The following TMEM163 variants were observed in gnomAD, a reference collection of about 807,000 sequenced individuals.
TMEM163 encodes transmembrane protein 163.
A neutral mutation model predicts 29.3 loss-of-function variants in TMEM163; 17 were observed. The observed-to-expected ratio is 0.58, with a 90% CI of 0.40 to 0.87. The LOEUF is 0.87. Among genes scored for constraint, TMEM163 ranks in the 40% least tolerant of loss-of-function variants. TMEM163 has a pLI of 0.00. For synonymous variants in TMEM163, 157 were observed against 160.6 expected (o/e 0.98, Z 0.17); for missense variants, 303 against 381.5 (o/e 0.79, Z 1.71).
intron 2 of TMEM163, among the ~76,000 whole-genome samples, chr2:134,712,487 G>A (rs911096087): frequency 6.6e-6 from 1 of 151,766 alleles, no homozygotes; most frequent in Non-Finnish European, 1.5e-5. Flanking sequence ...AAACACCACG[G>A]GTTTCTACCA....
At chr2:134,463,640 G>A (rs755665165) in intron 6 of TMEM163, among the ~76,000 whole-genome samples, 14 of 152,184 alleles carry the variant, frequency 9.2e-5, no homozygotes, top group Admixed American at 6.5e-4. Flanking sequence ...CTTTAGATCC[G>A]GCTGTGCTAG....
At chr2:134,529,288 G>A (rs998011239) in intron 4 of TMEM163, among the ~76,000 whole-genome samples, 8 of 151,856 alleles carry the variant, frequency 5.3e-5, no homozygotes, top group Non-Finnish European at 1.0e-4. Flanking sequence ...CTGAGATCAC[G>A]CCACTATACT....
chr2:134,556,399 A>G (rs2104774173), intron 2 of TMEM163, among the ~76,000 whole-genome samples: 1 of 152,348 alleles, frequency 6.6e-6, no homozygotes, highest in African/African-American at 2.4e-5. Context: ...AAGGTTCATA[A>G]TAGGTTCATG....
At chr2:134,516,711 A>AGT (rs142248008) in intron 4 of TMEM163, among the ~76,000 whole-genome samples, 6 of 119,392 alleles carry the variant, frequency 5.0e-5, no homozygotes, top group South Asian at 2.7e-4. Flanking sequence ...ATTCATATAT[A>AGT]CATATATATT....
At chr2:134,539,958 G>T (rs1680628746) in intron 4 of TMEM163, among the ~76,000 whole-genome samples, 1 of 152,180 alleles carries the variant, frequency 6.6e-6, no homozygotes. Flanking sequence ...ATCAAGGAGG[G>T]CTCCTGAACT....
At chr2:134,536,835 A>C (rs1277765729) in intron 4 of TMEM163, among the ~76,000 whole-genome samples, 1 of 152,204 alleles carries the variant, frequency 6.6e-6, no homozygotes, top group African/African-American at 2.4e-5. Context: ...GACAGGCTGT[A>C]AGAGCCATAG....
chr2:134,688,332 G>A (rs1250636262), intron 2 of TMEM163, among the ~76,000 whole-genome samples: 5 of 150,802 alleles, frequency 3.3e-5, no homozygotes, highest in Non-Finnish European at 7.4e-5. Context: ...CTCATGAAGA[G>A]GTTCAAAGGT....
chr2:134,559,228 C>G (rs891698756), intron 2 of TMEM163, among the ~76,000 whole-genome samples: 2 of 152,028 alleles, frequency 1.3e-5, no homozygotes, highest in African/African-American at 4.8e-5. Flanking sequence ...CCTCACTCAC[C>G]TCTTCCACCT....
chr2:134,585,610 C>T (rs180702392), intron 2 of TMEM163, among the ~76,000 whole-genome samples: 130 of 152,118 alleles, frequency 8.5e-4, no homozygotes, highest in African/African-American at 2.9e-3. Context: ...GGCGCGGTGG[C>T]GGGCACCTGT....
intron 2 of TMEM163, among the ~76,000 whole-genome samples, chr2:134,648,917 C>T (rs923593383): frequency 2.6e-5 from 4 of 152,184 alleles, no homozygotes; most frequent in African/African-American, 4.8e-5. Context: ...TGATGGCTCA[C>T]GGCTAAAAAC....
chr2:134,488,641 G>C (rs1286184751), intron 5 of TMEM163, among the ~76,000 whole-genome samples: 1 of 152,156 alleles, frequency 6.6e-6, no homozygotes, highest in Non-Finnish European at 1.5e-5. Context: ...ATGTGATCAT[G>C]TGAGTCAATA....
intron 2 of TMEM163, among the ~76,000 whole-genome samples, chr2:134,557,483 C>A (rs1206491594): frequency 6.6e-6 from 1 of 152,134 alleles, no homozygotes; most frequent in African/African-American, 2.4e-5. Context: ...TGGTTTTATA[C>A]ATTTTAGGGA....
chr2:134,658,833 G>A (rs1378880739), intron 2 of TMEM163, among the ~76,000 whole-genome samples: 2 of 152,048 alleles, frequency 1.3e-5, no homozygotes, highest in African/African-American at 4.8e-5. Flanking sequence ...ACCTGACCTC[G>A]TGATCCGCCC....
intron 6 of TMEM163, among the ~76,000 whole-genome samples, chr2:134,461,444 A>T (rs1464500923): frequency 6.6e-6 from 1 of 152,192 alleles, no homozygotes; most frequent in Non-Finnish European, 1.5e-5. Context: ...GTAGGACTGA[A>T]GCTGTGCCCC....
intron 2 of TMEM163, among the ~76,000 whole-genome samples, chr2:134,614,927 A>G (rs1357597705): frequency 1.3e-5 from 2 of 152,198 alleles, no homozygotes; most frequent in African/African-American, 4.8e-5. Flanking sequence ...AAACTGGGAG[A>G]AAGCATTTGC....
intron 2 of TMEM163, among the ~76,000 whole-genome samples, chr2:134,571,839 G>A (rs6715419): frequency 0.14 from 21,299 of 152,072 alleles, 3,594 homozygotes; most frequent in African/African-American, 0.4. Flanking sequence ...ATTTTACTGG[G>A]GGCTTGTTGC....
chr2:134,671,837 A>G (rs193286515), intron 2 of TMEM163, among the ~76,000 whole-genome samples: 1 of 152,298 alleles, frequency 6.6e-6, no homozygotes, highest in Admixed American at 6.5e-5. Context: ...CTTAGGACAA[A>G]CTTCTCAACC....
At chr2:134,716,816 C>T (rs1685047643) in intron 1 of TMEM163, among the ~76,000 whole-genome samples, 1 of 152,214 alleles carries the variant, frequency 6.6e-6, no homozygotes, top group African/African-American at 2.4e-5. Context: ...ACAAAAATCA[C>T]TTATTCACCA....
At chr2:134,559,980 G>A (rs970898022) in intron 2 of TMEM163, among the ~76,000 whole-genome samples, 4 of 151,944 alleles carry the variant, frequency 2.6e-5, no homozygotes, top group Non-Finnish European at 4.4e-5. Context: ...CCTCTTCTGC[G>A]GCCCACACCT....
Sources: gnomAD v4.1 joint callset for allele counts (sites outside exome capture counted in the v4.1 genomes callset) on GRCh38, gnomAD v4.1.1 for gene constraint, MANE v1.5 for transcripts, NCBI Gene and HGNC (gene_info 2026-07-23, HGNC 2026-07-21) for gene names.